The following AHI1 variants were observed in gnomAD, a reference collection of about 807,000 sequenced individuals.
The protein encoded by AHI1 is jouberin.
A neutral mutation model predicts 149.3 loss-of-function variants in AHI1; 123 were observed. That is an observed-to-expected ratio of 0.82 (90% CI 0.71 to 0.96). The LOEUF is 0.96. AHI1 is among the 40% of genes least tolerant of loss of function. The probability of loss-of-function intolerance (pLI) is 0.00; values close to 1 mark genes in which losing one functional copy is unlikely to be tolerated. For synonymous variants in AHI1, 475 were observed against 459.8 expected, an observed-to-expected ratio of 1.03 and a Z score of -0.42; for missense variants, 1,439 against 1,422.7, an observed-to-expected ratio of 1.01 and a Z score of -0.18.
chr6:135,494,968 G>C (rs1301337484), intron 3 of AHI1, among the ~76,000 whole-genome samples: 1 of 152,120 alleles, frequency 6.6e-6, no homozygotes, highest in African/African-American at 2.4e-5. Flanking sequence ...GTTTATAGAG[G>C]GGCAGAAACT....
chr6:135,312,194 G>A (rs1785296175), intron 26 of AHI1, among the ~76,000 whole-genome samples: 1 of 152,154 alleles, frequency 6.6e-6, no homozygotes, highest in South Asian at 2.1e-4. Flanking sequence ...TACACATGAA[G>A]AAGGGTACAA....
At chr6:135,354,632 A>G (rs1261275520) in intron 24 of AHI1, among the ~76,000 whole-genome samples, 1 of 152,182 alleles carries the variant, frequency 6.6e-6, no homozygotes, top group Non-Finnish European at 1.5e-5. Flanking sequence ...TTTAGGGTTC[A>G]GACAATAACC....
chr6:135,492,089 G>T, intron 4 of AHI1, 139 bp downstream of exon 4: 1 of 532,046 alleles, frequency 1.9e-6, no homozygotes, highest in Non-Finnish European at 3.1e-6. Flanking sequence ...AAACCAATAA[G>T]TATCTCTAAA....
intron 21 of AHI1, among the ~76,000 whole-genome samples, chr6:135,405,856 A>G (rs568127775): frequency 6.9e-6 from 1 of 145,310 alleles, no homozygotes; most frequent in Admixed American, 6.8e-5. Context: ...TGAGACTCCA[A>G]CTCAAAAAAA....
chr6:135,435,494 T>C (rs1785262485), intron 15 of AHI1, among the ~76,000 whole-genome samples: 1 of 152,090 alleles, frequency 6.6e-6, no homozygotes, highest in Non-Finnish European at 1.5e-5. Flanking sequence ...AGTAGGTAAG[T>C]TTCAAAGGGC....
intron 20 of AHI1, among the ~76,000 whole-genome samples, chr6:135,420,552 C>T (rs1783003889): frequency 6.6e-6 from 1 of 152,146 alleles, no homozygotes; most frequent in African/African-American, 2.4e-5. Context: ...GTTGCTTCAC[C>T]TTGCACTTTA....
chr6:135,466,427 T>C, intron 6 of AHI1, 54 bp from the exon 7 acceptor site: 2 of 1,431,642 alleles, frequency 1.4e-6, no homozygotes, highest in East Asian at 2.3e-5. Context: ...ATTAGTTATA[T>C]AAAGAAAAAC....
intron 24 of AHI1, among the ~76,000 whole-genome samples, chr6:135,325,636 T>C (rs1284390187): frequency 6.6e-6 from 1 of 152,238 alleles, no homozygotes; most frequent in Non-Finnish European, 1.5e-5. Flanking sequence ...TAGTAAGTGA[T>C]AGAATCAAGA....
chr6:135,385,947 C>A (rs562307078), intron 23 of AHI1, among the ~76,000 whole-genome samples: 61 of 152,288 alleles, frequency 4.0e-4, no homozygotes, highest in African/African-American at 1.3e-3. Flanking sequence ...ACATTTTTAC[C>A]ATTTTTATGA....
intron 24 of AHI1, among the ~76,000 whole-genome samples, chr6:135,326,023 A>G (rs1472745886): frequency 6.6e-6 from 1 of 152,204 alleles, no homozygotes; most frequent in Non-Finnish European, 1.5e-5. Context: ...AGCCTATGAG[A>G]GCCCACATTA....
rs187340989 is a variant in AHI1 at position 135,478,906 on chromosome 6, C to T, written c.136-11272G>A. The stretch of plus-strand genomic sequence containing the variant: ...CCCTGTGTCCCAGCTGCTCTGGCTC[C>T]AGCTGTGGCTAAAAGGGGCCAAGAT... On this transcript the variant is annotated intron_variant, in intron 5 of 28. Coordinates refer to ENST00000265602, the MANE Select transcript of AHI1 (RefSeq NM_001134831.2). 5.3e-5 allele frequency among the ~76,000 whole-genome samples: 8 copies of T among 152,358 alleles called. No homozygotes were observed. The East Asian group carries it at 1.4e-3, about 26-fold the overall frequency.
At chr6:135,345,377 C>T (rs1025400519) in intron 24 of AHI1, among the ~76,000 whole-genome samples, 19 of 152,150 alleles carry the variant, frequency 1.2e-4, no homozygotes, top group Non-Finnish European at 2.6e-4. Flanking sequence ...TACATGAATG[C>T]TCACAGAGTA....
chr6:135,323,128 TAC>T lies in AHI1; in HGVS notation c.3328+32_3328+33del, dbSNP rs746548959. 45 of 1,577,176 alleles carry T rather than the reference TAC, an allele frequency of 2.9e-5. No homozygotes were observed. The Admixed American group carries it at 7.4e-4, about 26-fold the overall frequency. The stretch of plus-strand genomic sequence containing the variant: ...AAATCTTGGACTATCAGTTATACCA[TAC>T]TAGTAAACCAGGAAGGGAGCATAAA... On this transcript the variant is annotated intron_variant, in intron 25 of 28. Transcript: ENST00000265602.
At chr6:135,402,178 G>A (rs1192268015) in intron 22 of AHI1, among the ~76,000 whole-genome samples, 1 of 152,198 alleles carries the variant, frequency 6.6e-6, no homozygotes, top group Non-Finnish European at 1.5e-5. Context: ...AAGTGTTGGT[G>A]AGGATGAGAA....
At chr6:135,411,590 A>T (rs746908004) in intron 20 of AHI1, 46 bp from the exon 21 acceptor site, 12 of 1,459,458 alleles carry the variant, frequency 8.2e-6, no homozygotes, top group Non-Finnish European at 1.1e-5. Context: ...TAGCAAAAGC[A>T]TAATCAAGCC....
chr6:135,427,014 A>G (rs1352377138), intron 20 of AHI1, among the ~76,000 whole-genome samples, 153 bp downstream of exon 20: 3 of 151,708 alleles, frequency 2.0e-5, no homozygotes, highest in Admixed American at 6.6e-5. Flanking sequence ...TTGATTTACA[A>G]AGAAACTTGT....
intron 5 of AHI1, among the ~76,000 whole-genome samples, chr6:135,475,971 C>G (rs1583431136): frequency 6.6e-6 from 1 of 152,162 alleles, no homozygotes; most frequent in Non-Finnish European, 1.5e-5. Flanking sequence ...TTCTATTTTA[C>G]TGATTTATAC....
At chr6:135,461,371 A>T (rs533523313) in intron 8 of AHI1, among the ~76,000 whole-genome samples, 2 of 152,184 alleles carry the variant, frequency 1.3e-5, no homozygotes, top group South Asian at 4.1e-4. Flanking sequence ...ATCACTATAC[A>T]TTCCTGAAGA....
intron 24 of AHI1, among the ~76,000 whole-genome samples, chr6:135,330,034 T>C (rs981611928): frequency 2.6e-5 from 4 of 152,202 alleles, no homozygotes; most frequent in African/African-American, 9.7e-5. Context: ...TTCTTATGGA[T>C]GAACAAAGAA....
Sources: allele counts gnomAD v4.1 joint callset (sites outside exome capture counted in the v4.1 genomes callset), GRCh38; gene constraint gnomAD v4.1.1; transcripts MANE v1.5; gene names NCBI Gene and HGNC (gene_info 2026-07-23, HGNC 2026-07-21).